AMPH: variants seen among roughly 807,000 people sequenced by gnomAD.
AMPH encodes amphiphysin (Stiff-Mann syndrome with breast cancer 128kD autoantigen).
AMPH carries 49 observed loss-of-function variants against 99.1 expected under a neutral mutation model. That is an observed-to-expected ratio of 0.49 (90% CI 0.39 to 0.63). The LOEUF (loss-of-function observed/expected upper bound fraction) is 0.63, where lower values mean the gene tolerates loss of function less well. Among genes scored for constraint, AMPH ranks in the 20% least tolerant of loss-of-function variants. AMPH has a pLI of 0.00. For synonymous variants in AMPH, 314 were observed against 317.3 expected, an observed-to-expected ratio of 0.99 and a Z score of 0.11; for missense variants, 759 against 863.4, an observed-to-expected ratio of 0.88 and a Z score of 1.52.
intron 12 of AMPH, among the ~76,000 whole-genome samples, chr7:38,433,744 A>AAAAAAAAAAAAAAAAAG (rs1562751901): frequency 3.0e-4 from 44 of 147,452 alleles, no homozygotes; most frequent in African/African-American, 1.1e-3. Context: ...AAAAAAAAAA[A>AAAAAAAAAAAAAAAAAG]AAGAATCAAA....
chr7:38,424,201 G>C (rs1309323436), intron 15 of AMPH, among the ~76,000 whole-genome samples: 1 of 152,150 alleles, frequency 6.6e-6, no homozygotes, highest in Non-Finnish European at 1.5e-5. Context: ...AATGCCCACA[G>C]TCAATGAACT....
chr7:38,532,473 G>A lies in AMPH; in HGVS notation c.150+2458C>T, dbSNP rs543345448. 6.6e-5 allele frequency among the ~76,000 whole-genome samples: 10 copies of A among 152,226 alleles called. No homozygotes were observed. The East Asian group carries it at 1.2e-3, about 18-fold the overall frequency. On this transcript the variant is annotated intron_variant, in intron 2 of 20. Coordinates refer to ENST00000356264, the MANE Select transcript of AMPH (RefSeq NM_001635.4). ...TTCCCCAAGTTTTGAAGTTTCACAC[G>A]TTTTAAAATCTGCTAATATTTCTTG...
intron 2 of AMPH, among the ~76,000 whole-genome samples, chr7:38,533,022 T>C (rs1790470215): frequency 1.3e-5 from 2 of 152,160 alleles, no homozygotes; most frequent in Admixed American, 1.3e-4. Context: ...ATCCAATATT[T>C]TAGAGCAGAC....
chr7:38,595,932 G>A (rs1429052733), intron 1 of AMPH, among the ~76,000 whole-genome samples: 1 of 152,182 alleles, frequency 6.6e-6, no homozygotes, highest in Non-Finnish European at 1.5e-5. Context: ...ATTCCATAGT[G>A]TATCTGTACC....
chr7:38,600,932 G>A (rs1387366692), intron 1 of AMPH, among the ~76,000 whole-genome samples: 1 of 152,214 alleles, frequency 6.6e-6, no homozygotes, highest in Non-Finnish European at 1.5e-5. Flanking sequence ...CACAGATACA[G>A]CTTGTCTTCT....
At chr7:38,433,176 G>T (rs1333748728) in intron 12 of AMPH, among the ~76,000 whole-genome samples, 1 of 152,120 alleles carries the variant, frequency 6.6e-6, no homozygotes, top group Non-Finnish European at 1.5e-5. Flanking sequence ...CCTCATTTGG[G>T]CTCCGTATTA....
At chr7:38,627,754 T>C (rs1233927239) in intron 1 of AMPH, among the ~76,000 whole-genome samples, 1 of 151,926 alleles carries the variant, frequency 6.6e-6, no homozygotes, top group African/African-American at 2.4e-5. Context: ...ATAGGTAAGA[T>C]ATTCATATAT....
Position 38,389,893 on chromosome 7 carries a change from G to T in AMPH, c.1891C>A (p.His631Asn). Residue 631 changes from histidine (H) to asparagine (N), a missense_variant, in exon 20 of 21, where the codon CAT becomes AAT. Coordinates refer to ENST00000356264, the MANE Select transcript of AMPH (RefSeq NM_001635.4). ...PGFLYKVETL[H>N]DFEAANSDEL... ...TCAGAATTTGCTGCCTCAAAATCAT[G>T]CAGTGTTTCCACCTGCAGAAGATAA... 1 of 1,612,982 alleles carries T rather than the reference G, an allele frequency of 6.2e-7. No individual in the cohort carries two copies. Among genetic ancestry groups the T allele is most frequent in the Non-Finnish European group, 8.5e-7 (1 of 1,179,496 alleles).
intron 20 of AMPH, among the ~76,000 whole-genome samples, chr7:38,386,464 G>A (rs1297593572): frequency 1.3e-5 from 2 of 152,110 alleles, no homozygotes; most frequent in Non-Finnish European, 2.9e-5. Flanking sequence ...CATATAATCT[G>A]AAAGACAACT....
At chr7:38,623,241 A>G (rs1045627856) in intron 1 of AMPH, among the ~76,000 whole-genome samples, 1 of 152,228 alleles carries the variant, frequency 6.6e-6, no homozygotes, top group East Asian at 1.9e-4. Context: ...CTCAGCTATG[A>G]CAAGTTGTTT....
chr7:38,458,193 C>T (rs922625935), intron 11 of AMPH, among the ~76,000 whole-genome samples: 1 of 152,056 alleles, frequency 6.6e-6, no homozygotes. Context: ...TGTTACAAAA[C>T]TCCACATGTA....
At chr7:38,607,994 T>A (rs947661115) in intron 1 of AMPH, among the ~76,000 whole-genome samples, 18 of 152,330 alleles carry the variant, frequency 1.2e-4, no homozygotes, top group South Asian at 4.1e-4. Flanking sequence ...CTGCTTTTTT[T>A]AAATTTTTTT....
intron 7 of AMPH, among the ~76,000 whole-genome samples, chr7:38,467,692 A>G (rs904238528): frequency 1.3e-4 from 17 of 129,450 alleles, no homozygotes; most frequent in African/African-American, 4.5e-4. Flanking sequence ...TTTTATATAT[A>G]TGTGTATATA....
chr7:38,392,535 T>C (rs7807321), intron 18 of AMPH: 2,315 of 153,300 alleles, frequency 0.015, 62 homozygotes, highest in African/African-American at 0.052. Flanking sequence ...TACAGACACC[T>C]GCCACCACGC....
intron 11 of AMPH, among the ~76,000 whole-genome samples, chr7:38,455,367 A>G (rs6970321): frequency 0.26 from 39,268 of 152,096 alleles, 5,519 homozygotes; most frequent in East Asian, 0.48. Flanking sequence ...CACTGCGCCC[A>G]GCCTACAATT....
Position 38,496,858 on chromosome 7 carries a change from T to G in AMPH, c.206-2331A>C, listed in dbSNP as rs567417280. Among the ~76,000 whole-genome samples the G allele has an allele frequency of 3.9e-5, 6 of 152,184 alleles. No homozygotes were observed. The South Asian group carries it at 1.2e-3, about 32-fold the overall frequency. On this transcript the variant is annotated intron_variant, in intron 3 of 20. Coordinates refer to ENST00000356264, the MANE Select transcript of AMPH (RefSeq NM_001635.4). ...CTATACACAACTGTGTAGATAGGTT[T>G]TTAACAATGTCTTAAGAGAAGAAAA...
intron 7 of AMPH, among the ~76,000 whole-genome samples, chr7:38,472,097 C>T (rs1364875879): frequency 6.6e-6 from 1 of 152,100 alleles, no homozygotes; most frequent in Non-Finnish European, 1.5e-5. Flanking sequence ...AACATATAGT[C>T]AACCTGAACC....
chr7:38,584,500 C>T (rs373807575), intron 1 of AMPH, among the ~76,000 whole-genome samples: 1 of 152,208 alleles, frequency 6.6e-6, no homozygotes, highest in Non-Finnish European at 1.5e-5. Flanking sequence ...TAACACCGTC[C>T]TTTTCTGACA....
chr7:38,535,478 G>A (rs1374663345), intron 1 of AMPH, among the ~76,000 whole-genome samples: 1 of 152,178 alleles, frequency 6.6e-6, no homozygotes, highest in Non-Finnish European at 1.5e-5. Flanking sequence ...CCAGTTTCAT[G>A]GAAGACAATT....
Sources: allele counts gnomAD v4.1 joint callset (sites outside exome capture counted in the v4.1 genomes callset), GRCh38; gene constraint gnomAD v4.1.1; transcripts MANE v1.5; gene names NCBI Gene and HGNC (gene_info 2026-07-23, HGNC 2026-07-21).